The following SMG6 variants were observed in gnomAD, a reference collection of about 807,000 sequenced individuals.
SMG6 encodes the protein SMG6 nonsense mediated mRNA decay factor.
Under a neutral mutation model 142.2 loss-of-function variants are expected in SMG6, and 66 were observed. The observed-to-expected ratio is 0.46, with a 90% CI of 0.38 to 0.57. The LOEUF (loss-of-function observed/expected upper bound fraction) is 0.57, where lower values mean the gene tolerates loss of function less well. Ranked by LOEUF, SMG6 falls within the 20% of genes least tolerant of loss-of-function variation. The probability of loss-of-function intolerance (pLI) is 0.00; values close to 1 mark genes in which losing one functional copy is unlikely to be tolerated. For synonymous variants in SMG6, 779 were observed against 702.4 expected (o/e 1.11, Z -1.72); for missense variants, 1,793 against 1,832.0 (o/e 0.98, Z 0.39).
chr17:2,148,965 G>A (rs1232048190), intron 13 of SMG6, among the ~76,000 whole-genome samples: 1 of 152,068 alleles, frequency 6.6e-6, no homozygotes, highest in Non-Finnish European at 1.5e-5. Flanking sequence ...TGTTTGAGTT[G>A]GTGAAGATGA....
chr17:2,142,749 G>A (rs988775529), intron 13 of SMG6, among the ~76,000 whole-genome samples: 19 of 151,812 alleles, frequency 1.3e-4, no homozygotes, highest in African/African-American at 3.6e-4. Flanking sequence ...TTAGCCAGGC[G>A]TGGTGGCGCA....
intron 4 of SMG6, 42 bp downstream of exon 4, chr17:2,297,201 G>T: frequency 1.4e-6 from 2 of 1,433,502 alleles, no homozygotes; most frequent in South Asian, 2.4e-5. Context: ...AAACGCTTAC[G>T]AAATGAATGA....
At chr17:2,116,108 T>G (rs2069497392) in intron 13 of SMG6, among the ~76,000 whole-genome samples, 2 of 152,230 alleles carry the variant, frequency 1.3e-5, no homozygotes, top group African/African-American at 4.8e-5. Flanking sequence ...TCTCGCTGTG[T>G]TGCCCAGGCT....
intron 4 of SMG6, among the ~76,000 whole-genome samples, chr17:2,293,838 T>C (rs1049859400): frequency 5.9e-5 from 9 of 152,214 alleles, no homozygotes; most frequent in Non-Finnish European, 1.3e-4. Context: ...TACCACGGCA[T>C]TACATTACCT....
chr17:2,075,106 C>T (rs2068220114), intron 15 of SMG6, among the ~76,000 whole-genome samples: 1 of 152,248 alleles, frequency 6.6e-6, no homozygotes, highest in African/African-American at 2.4e-5. Context: ...GCTGTGCTGG[C>T]TCCCACCCTG....
intron 15 of SMG6, among the ~76,000 whole-genome samples, chr17:2,079,333 CAG>C (rs1208686865): frequency 6.6e-6 from 1 of 152,156 alleles, no homozygotes; most frequent in East Asian, 1.9e-4. Context: ...ACGGTAGAAA[CAG>C]AATTTCTGGG....
At chr17:2,264,853 G>C (rs1223215855) in intron 8 of SMG6, among the ~76,000 whole-genome samples, 3 of 151,042 alleles carry the variant, frequency 2.0e-5, no homozygotes, top group Non-Finnish European at 2.9e-5. Flanking sequence ...AGTGAGCTGA[G>C]ATCGCGCCAC....
intron 13 of SMG6, among the ~76,000 whole-genome samples, chr17:2,123,288 G>C (rs1255683248): frequency 6.6e-6 from 1 of 152,156 alleles, no homozygotes; most frequent in Non-Finnish European, 1.5e-5. Context: ...GTAGACCCAG[G>C]GGTGCTGTGT....
chr17:2,089,970 G>C (rs1238956792), intron 13 of SMG6, among the ~76,000 whole-genome samples: 1 of 152,040 alleles, frequency 6.6e-6, no homozygotes, highest in East Asian at 1.9e-4. Context: ...GATCACCTGA[G>C]GTCAGGAGTT....
At chr17:2,182,406 G>C (rs2071833382) in intron 12 of SMG6, among the ~76,000 whole-genome samples, 1 of 152,192 alleles carries the variant, frequency 6.6e-6, no homozygotes, top group African/African-American at 2.4e-5. Context: ...AGGATGCAGA[G>C]AACTGTCCGA....
intron 1 of SMG6, among the ~76,000 whole-genome samples, chr17:2,301,253 A>C (rs766949770): frequency 7.2e-5 from 11 of 152,204 alleles, no homozygotes; most frequent in Non-Finnish European, 1.0e-4. Flanking sequence ...TCTCTTCTTC[A>C]AGATACCAAT....
rs746582419 is a variant in SMG6 at position 2,065,592 on chromosome 17, C to T, written c.3923G>A (p.Arg1308His). The change falls in exon 17 of 19, where the codon CGC becomes CAC. Residue 1308 changes from arginine (R) to histidine (H), a missense_variant. Physicochemically the swap from Arg to His is conservative, Grantham distance 29. Transcript: ENST00000263073. ...GYARVVQEKA[R>H]KSIEFLEQRF... ...CTGCTCGAGGAACTCGATGGACTTG[C>T]GGGCCTTCTCTTGTACCACACGGGC... is the stretch of plus-strand genomic sequence containing the variant. 19 of 1,613,968 alleles carry T rather than the reference C, an allele frequency of 1.2e-5. No homozygotes were observed. The African/African-American group carries it at 1.9e-4, about 16-fold the overall frequency.
At chr17:2,080,084 CAAAACA>C (rs1352344796) in intron 15 of SMG6, among the ~76,000 whole-genome samples, 2 of 32,934 alleles carry the variant, frequency 6.1e-5, no homozygotes, top group Non-Finnish European at 1.2e-4. Context: ...CAAAACAAAA[CAAAACA>C]AAACAAAACA....
At chr17:2,257,106 G>A (rs1490204735) in intron 8 of SMG6, among the ~76,000 whole-genome samples, 1 of 144,092 alleles carries the variant, frequency 6.9e-6, no homozygotes, top group Non-Finnish European at 1.5e-5. Context: ...TTTTTTTTGA[G>A]ACAGAGTCTC....
chr17:2,290,406 C>A (rs1271793804), intron 6 of SMG6, among the ~76,000 whole-genome samples: 1 of 152,172 alleles, frequency 6.6e-6, no homozygotes, highest in African/African-American at 2.4e-5. Flanking sequence ...ACTGTATATC[C>A]ACCTGCATCA....
At position 2,139,465 on chromosome 17, in the gene SMG6, A is replaced by G. The variant is rs568589076; in HGVS notation, c.3357+33193T>C. 1.9e-3 allele frequency among the ~76,000 whole-genome samples: 275 copies of G among 143,066 alleles called. 1 individual carries two copies. Among genetic ancestry groups the G allele is most frequent in the African/African-American group, 6.2e-3 (232 of 37,524 alleles). The allele number at this position is 143,066 out of a possible 152,430, so 93.9% of individuals were successfully genotyped here. The stretch of plus-strand genomic sequence containing the variant: ...GAGATGGAGTCTCACTCTGTCACCC[A>G]GGCTGGAGTGCAGTGGCGCGATCTC... On this transcript the variant is annotated intron_variant, in intron 13 of 18. Transcript: ENST00000263073.
Position 2,244,650 on chromosome 17 carries a change from A to C in SMG6, c.2723+8T>G. On this transcript the variant is annotated splice_region_variant and intron_variant, in intron 9 of 18. Coordinates refer to ENST00000263073, the MANE Select transcript of SMG6 (RefSeq NM_017575.5). ...TAGGAAAATAAAATAAACATCCTGC[A>C]CACTTACCCAATCCGGGTAAACAGC... 1 of 1,606,002 alleles carries C rather than the reference A, an allele frequency of 6.2e-7. No homozygotes were observed. Among genetic ancestry groups the C allele is most frequent in the Non-Finnish European group, 8.5e-7 (1 of 1,172,558 alleles).
chr17:2,283,571 C>T, intron 7 of SMG6, 54 bp downstream of exon 7: 2 of 1,427,102 alleles, frequency 1.4e-6, no homozygotes, highest in Non-Finnish European at 2.0e-6. Flanking sequence ...CACACCAACA[C>T]TCAGGGAAAT....
At chr17:2,097,052 C>A (rs1406859404) in intron 13 of SMG6, among the ~76,000 whole-genome samples, 5 of 152,200 alleles carry the variant, frequency 3.3e-5, no homozygotes, top group Admixed American at 3.3e-4. Flanking sequence ...CTCAGTGATC[C>A]AAGTCTTTCT....
Sources: gnomAD v4.1 joint callset for allele counts (sites outside exome capture counted in the v4.1 genomes callset) on GRCh38, gnomAD v4.1.1 for gene constraint, MANE v1.5 for transcripts, NCBI Gene and HGNC (gene_info 2026-07-23, HGNC 2026-07-21) for gene names.